Variants in LY75 observed in about 807,000 individuals in gnomAD.
LY75 encodes the protein C-type lectin domain family 13 member B.
A neutral mutation model predicts 231.7 loss-of-function variants in LY75; 185 were observed. The ratio of observed to expected loss-of-function variants is 0.80; its 90% CI spans 0.71 to 0.90. The LOEUF (loss-of-function observed/expected upper bound fraction) is 0.90. Ranked by LOEUF, LY75 falls within the 40% of genes least tolerant of loss-of-function variation. The pLI, the probability that LY75 is intolerant of heterozygous loss-of-function variation, is 0.00. For synonymous variants in LY75, 668 were observed against 689.0 expected (o/e 0.97, Z 0.48); for missense variants, 1,947 against 2,050.2 (o/e 0.95, Z 0.97).
Position 159,852,314 on chromosome 2 carries a change from T to A in LY75, c.2770A>T (p.Thr924Ser). 6.2e-7 allele frequency: 1 copy of A among 1,614,030 alleles called. No homozygotes were observed. The highest frequency in any genetic ancestry group is 2.2e-5 in the East Asian group (1 of 44,868). Residue 924 changes from threonine to serine, a missense_variant, in exon 21 of 35, where the codon ACC becomes TCC. Transcript: ENST00000263636. ...TTTTCACAGATGAAGGGCAACTTGG[T>A]ACTACAGTCTGTTGGTTTACCTAAG... ...IDLGKPTDCSTKLPFICEKYN... is the reference protein window; with the variant it reads ...IDLGKPTDCSSKLPFICEKYN...
Position 159,874,805 on chromosome 2 carries a change from T to A in LY75, c.1974+639A>T, listed in dbSNP as rs1159696370. 3.4e-5 allele frequency among the ~76,000 whole-genome samples: 4 copies of A among 117,410 alleles called. 1 individual carries two copies. The highest frequency in any genetic ancestry group is 1.3e-4 in the African/African-American group (4 of 30,204). The allele number at this position is 117,410 out of a possible 152,430, so 77.0% of individuals were successfully genotyped here. ...TGTAAATATATGTAAATATATATATTTTGTAAATTTATGTAAATATATATA... is the reference window on the plus strand; with the variant it reads ...TGTAAATATATGTAAATATATATATATTGTAAATTTATGTAAATATATATA... On this transcript the variant is annotated intron_variant, in intron 12 of 34. Coordinates refer to ENST00000263636, the MANE Select transcript of LY75 (RefSeq NM_002349.4).
chr2:159,810,580 A>G lies in LY75; in HGVS notation c.4645T>C (p.Ser1549Pro). 5 of 1,614,178 alleles carry G rather than the reference A, an allele frequency of 3.1e-6. No individual in the cohort carries two copies. The highest frequency in any genetic ancestry group is 4.2e-6 in the Non-Finnish European group (5 of 1,180,028). The change falls in exon 32 of 35, where the codon TCT becomes CCT. Residue 1549 changes from serine to proline, a missense_variant. Coordinates refer to ENST00000263636, the MANE Select transcript of LY75 (RefSeq NM_002349.4). ...GAAAAACTGTGCAATGCCTGATCAG[A>G]CTTGTAACAGTGACCCTTGTACTGG... ...WIQYKGHCYK[S>P]DQALHSFSEA...
chr2:159,871,787 C>T (rs781556995), intron 13 of LY75: 1 of 152,204 alleles, frequency 6.6e-6, no homozygotes, highest in Non-Finnish European at 1.5e-5. Context: ...TGGCCAACCC[C>T]TTCCTCTCTG....
Position 159,842,292 on chromosome 2 carries a change from G to A in LY75, c.3233C>T (p.Thr1078Ile). ...KSPFTGTWNF[T>I]SCSERHFVSL... ...CACAAAGTGGCGTTCACTGCAGGAT[G>A]TAAAATTCCACGTCCCAGTAAACGG... is the stretch of plus-strand genomic sequence containing the variant. The change falls in exon 24 of 35, where the codon ACA (threonine) becomes ATA (isoleucine). Residue 1078 changes from threonine (T) to isoleucine (I), a missense_variant. Coordinates refer to ENST00000263636, the MANE Select transcript of LY75 (RefSeq NM_002349.4). 1 of 1,612,662 alleles carries A rather than the reference G, an allele frequency of 6.2e-7. No individual in the cohort carries two copies.
intron 33 of LY75, chr2:159,807,578 C>T (rs145888926): frequency 2.1e-6 from 2 of 975,324 alleles, no homozygotes; most frequent in East Asian, 2.3e-4. Flanking sequence ...TCTCCATCCC[C>T]ACCTTTCTCC....
rs775990294 is a variant in LY75, at chr2:159,881,117, T to C, written c.1370A>G (p.Asn457Ser). ...WDENEPNVPY[N>S]KTPNCVSYLG... ...GTAGGAAACACAGTTGGGCGTCTTA[T>C]TGTAGGGAACATTTGGCTCATTCTC... Residue 457 changes from asparagine (N) to serine (S), a missense_variant, in exon 8 of 35, where the codon AAT becomes AGT. Physicochemically the swap from Asn to Ser is conservative, Grantham distance 46 (BLOSUM62 1). Coordinates refer to ENST00000263636, the MANE Select transcript of LY75 (RefSeq NM_002349.4). 29 of 1,613,784 alleles carry C rather than the reference T, an allele frequency of 1.8e-5. No individual in the cohort carries two copies. The highest frequency in any genetic ancestry group is 1.0e-4 in the Admixed American group (6 of 59,962).
Position 159,890,327 on chromosome 2 carries a change from A to G in LY75, c.688T>C (p.Tyr230His), listed in dbSNP as rs1219839799. ...WEKNEQFGSC[Y>H]QFNTQTALSW... is the part of the protein sequence containing the mutation. ...AGAGCCGTCTGAGTATTAAATTGGT[A>G]GCAACTTCCAAACTGCTCGTTCTTT... is the stretch of plus-strand genomic sequence containing the variant. Residue 230 changes from tyrosine (Y) to histidine (H), a missense_variant, in exon 4 of 35, where the codon TAC becomes CAC. Tyr to His is a moderately conservative substitution (Grantham distance 83, BLOSUM62 2). Transcript: ENST00000263636. The G allele has an allele frequency of 1.9e-6, 3 of 1,613,518 alleles. No homozygotes were observed. In the Admixed American group the frequency reaches 5.0e-5, roughly 27 times the overall value.
At chr2:159,897,272 T>A (rs1685932341) in intron 2 of LY75, among the ~76,000 whole-genome samples, 1 of 152,176 alleles carries the variant, frequency 6.6e-6, no homozygotes, top group Non-Finnish European at 1.5e-5. Context: ...ACAAATACAA[T>A]GAAACAAGTT....
chr2:159,859,779 T>A (rs1355670205), intron 15 of LY75, among the ~76,000 whole-genome samples: 1 of 152,186 alleles, frequency 6.6e-6, no homozygotes, highest in Non-Finnish European at 1.5e-5. Flanking sequence ...ACAGTAACAG[T>A]GCCTACCTCA....
At chr2:159,896,139 A>C (rs10205746) in intron 2 of LY75, among the ~76,000 whole-genome samples, 28,970 of 152,214 alleles carry the variant, frequency 0.19, 3,348 homozygotes, top group South Asian at 0.5. Context: ...GTTGCCCAGA[A>C]TTCTGATAGT....
chr2:159,858,522 C>A, intron 15 of LY75, 46 bp from the exon 16 acceptor site: 1 of 1,566,164 alleles, frequency 6.4e-7, no homozygotes, highest in African/African-American at 1.4e-5. Context: ...TTGATACATC[C>A]CTTATGGAAC....
At chr2:159,814,147 A>C (rs1044703539) in intron 31 of LY75, 1 of 151,972 alleles carries the variant, frequency 6.6e-6, no homozygotes, top group African/African-American at 2.4e-5. Context: ...CAATGCCACC[A>C]CCCCCCAGCC....
chr2:159,904,344 T>A (rs1011534913), intron 1 of LY75, among the ~76,000 whole-genome samples: 3 of 152,226 alleles, frequency 2.0e-5, no homozygotes, highest in Non-Finnish European at 4.4e-5. Context: ...GCGTCCCCTC[T>A]GCACCAGAAG....
At position 159,823,023 on chromosome 2, in the gene LY75, A is replaced by G. The variant is rs1683347026; in HGVS notation, c.3959-3103T>C. Among the ~76,000 whole-genome samples, 4 of 152,278 alleles carry G rather than the reference A, an allele frequency of 2.6e-5. No individual in the cohort carries two copies. The South Asian group carries it at 8.3e-4, about 32-fold the overall frequency. ...TGCAAAAAGGCTGAAAATTCCAAAA[A>G]CCAGAACACTTCTTCTCCTCCAAAG... On this transcript the variant is annotated intron_variant, in intron 28 of 34. Coordinates refer to ENST00000263636, the MANE Select transcript of LY75 (RefSeq NM_002349.4).
chr2:159,869,055 A>T (rs1684933854), intron 13 of LY75, among the ~76,000 whole-genome samples: 1 of 152,170 alleles, frequency 6.6e-6, no homozygotes, highest in Admixed American at 6.5e-5. Flanking sequence ...AAGGACAGAA[A>T]ACCAAACACC....
intron 5 of LY75, among the ~76,000 whole-genome samples, chr2:159,886,192 T>C (rs1685577202): frequency 6.6e-6 from 1 of 152,040 alleles, no homozygotes; most frequent in Admixed American, 6.6e-5. Context: ...AAATGTAGGG[T>C]TGTTCTAAAG....
intron 15 of LY75, 93 bp downstream of exon 15, chr2:159,860,728 C>T: frequency 6.8e-7 from 1 of 1,474,008 alleles, no homozygotes; most frequent in Middle Eastern, 1.7e-4. Context: ...CATCATGCTT[C>T]ACATAAAAAG....
intron 20 of LY75, 84 bp from the exon 21 acceptor site, chr2:159,852,424 T>G (rs879096031): frequency 4.6e-6 from 4 of 870,892 alleles, no homozygotes; most frequent in Admixed American, 5.1e-5. Context: ...TTTTTTTTGT[T>G]TTTTTTTTTT....
chr2:159,860,824 G>C lies in LY75; in HGVS notation c.2265C>G (p.Val755=). The part of the protein sequence containing the change: ...QDYDIRDCAA[V]KVFHRPWRRG... ...GATTTTCCAGCATTGTACTGACCTT[G>C]ACAGCAGCACAGTCTCTGATGTCAT... Residue 755 remains valine, a synonymous_variant, in exon 15 of 35, where the codon GTC becomes GTG. Coordinates refer to ENST00000263636, the MANE Select transcript of LY75 (RefSeq NM_002349.4). 6.2e-7 allele frequency: 1 copy of C among 1,613,882 alleles called. No homozygotes were observed. Among genetic ancestry groups the C allele is most frequent in the Non-Finnish European group, 8.5e-7 (1 of 1,179,866 alleles).
Sources: allele counts gnomAD v4.1 joint callset (sites outside exome capture counted in the v4.1 genomes callset), GRCh38; gene constraint gnomAD v4.1.1; transcripts MANE v1.5; gene names NCBI Gene and HGNC (gene_info 2026-07-23, HGNC 2026-07-21).